The following ANKS3 variants were observed in gnomAD, a reference collection of about 807,000 sequenced individuals.
ANKS3 encodes the protein ankyrin repeat and sterile alpha motif domain containing 3.
Under a neutral mutation model 80.7 loss-of-function variants are expected in ANKS3, and 62 were observed. The observed-to-expected ratio is 0.77, with a 90% CI of 0.63 to 0.95. ANKS3 has a LOEUF of 0.95. Among genes scored for constraint, ANKS3 ranks in the 40% least tolerant of loss-of-function variants. The probability of loss-of-function intolerance (pLI) is 0.00; values close to 1 mark genes in which losing one functional copy is unlikely to be tolerated. For synonymous variants in ANKS3, 489 were observed against 355.3 expected (o/e 1.38, Z -4.23); for missense variants, 1,150 against 883.6 (o/e 1.30, Z -3.82).
chr16:4,726,217 C>G (rs1253553388), intron 5 of ANKS3, among the ~76,000 whole-genome samples: 1 of 152,078 alleles, frequency 6.6e-6, no homozygotes, highest in Admixed American at 6.6e-5. Context: ...ACCTCGTGAT[C>G]TGCCTACCTC....
chr16:4,720,537 A>G (rs937130425), intron 6 of ANKS3, among the ~76,000 whole-genome samples: 3 of 151,248 alleles, frequency 2.0e-5, no homozygotes, highest in South Asian at 2.1e-4. Context: ...GCAAGTTTAC[A>G]CTACCCACTA....
chr16:4,733,343 G>A (rs2081761515), intron 1 of ANKS3, among the ~76,000 whole-genome samples: 1 of 151,664 alleles, frequency 6.6e-6, no homozygotes, highest in Non-Finnish European at 1.5e-5. Flanking sequence ...CCAGGCTAGA[G>A]TGCAGCGGCG....
chr16:4,733,159 A>T (rs892567709), intron 1 of ANKS3, among the ~76,000 whole-genome samples: 1 of 133,492 alleles, frequency 7.5e-6, no homozygotes, highest in African/African-American at 2.8e-5. Flanking sequence ...TATTTGATCA[A>T]GCCACTGCAC....
intron 6 of ANKS3, among the ~76,000 whole-genome samples, chr16:4,717,752 G>A (rs1293104398): frequency 1.3e-5 from 2 of 151,804 alleles, no homozygotes; most frequent in African/African-American, 2.4e-5. Flanking sequence ...CAGCTCAAGT[G>A]ATCCTCCCTT....
In ANKS3 at chr16:4,696,794, G is replaced by C; in HGVS notation, c.*114C>G. 1 of 586,782 alleles carries C rather than the reference G, an allele frequency of 1.7e-6. No individual in the cohort carries two copies. Among genetic ancestry groups the C allele is most frequent in the South Asian group, 2.0e-5 (1 of 49,964 alleles). 36.3% of individuals were successfully genotyped at this position (586,782 alleles called of 1,614,324 possible). Reference sequence around the variant, plus strand: ...GGCTGCTCCCGGGGCCTGATCCTCTGGCCCCCACTGGGCCTGGGCTGCACA... The same window carrying C: ...GGCTGCTCCCGGGGCCTGATCCTCTCGCCCCCACTGGGCCTGGGCTGCACA... On this transcript the variant is annotated 3_prime_UTR_variant, in exon 18 of 18. Transcript: ENST00000304283.
At chr16:4,724,471 G>A (rs936749049) in intron 6 of ANKS3, among the ~76,000 whole-genome samples, 2 of 152,078 alleles carry the variant, frequency 1.3e-5, no homozygotes, top group African/African-American at 4.8e-5. Context: ...CTAAGTGACA[G>A]GATTATGAGT....
At chr16:4,730,904 A>G (rs1463200695) in intron 2 of ANKS3, among the ~76,000 whole-genome samples, 1 of 152,116 alleles carries the variant, frequency 6.6e-6, no homozygotes, top group Non-Finnish European at 1.5e-5. Context: ...GCTACTTAGC[A>G]ACTCCAATCC....
At position 4,720,925 on chromosome 16, in the gene ANKS3, A is replaced by G. The variant is rs145667283; in HGVS notation, c.573+3825T>C. Among the ~76,000 whole-genome samples, 561 of 150,076 alleles carry G rather than the reference A, an allele frequency of 3.7e-3. 9 individuals carry two copies. Among genetic ancestry groups the G allele is most frequent in the African/African-American group, 0.013 (535 of 41,130 alleles). Reference sequence around the variant, plus strand: ...GCACTCCAGCCAGGGCTACAGAGCGAGACTCCATCTCAAAACAAACAAACA... The same window carrying G: ...GCACTCCAGCCAGGGCTACAGAGCGGGACTCCATCTCAAAACAAACAAACA... On this transcript the variant is annotated intron_variant, in intron 6 of 17. Coordinates refer to ENST00000304283, the MANE Select transcript of ANKS3 (RefSeq NM_133450.4).
chr16:4,722,844 G>A (rs994744993), intron 6 of ANKS3, among the ~76,000 whole-genome samples: 3 of 151,512 alleles, frequency 2.0e-5, no homozygotes, highest in African/African-American at 7.3e-5. Context: ...CTTGAACTTG[G>A]GAGGTAGAGG....
chr16:4,700,818 T>A (rs781383315), intron 11 of ANKS3, 152 bp downstream of exon 11: 4 of 1,022,428 alleles, frequency 3.9e-6, no homozygotes, highest in Non-Finnish European at 6.1e-6. Context: ...TGGAGCCGGC[T>A]GTGAGCCTGT....
chr16:4,701,237 C>G, intron 10 of ANKS3, 103 bp from the exon 11 acceptor site: 1 of 1,535,722 alleles, frequency 6.5e-7, no homozygotes, highest in Non-Finnish European at 8.9e-7. Flanking sequence ...TCGTGAAACC[C>G]CCCACCCGCC....
intron 6 of ANKS3, among the ~76,000 whole-genome samples, chr16:4,716,921 AT>A (rs1459739878): frequency 2.0e-5 from 3 of 151,914 alleles, no homozygotes; most frequent in Admixed American, 6.6e-5. Context: ...TCTCAAAAAA[AT>A]AATAATAAAT....
rs1206241483 is a variant in ANKS3 at position 4,696,708 on chromosome 16, C to T, written c.*200G>A. 1 of 447,300 alleles carries T rather than the reference C, an allele frequency of 2.2e-6. No individual in the cohort carries two copies. The highest frequency in any genetic ancestry group is 4.1e-6 in the Non-Finnish European group (1 of 241,770). The allele number at this position is 447,300 out of a possible 1,614,324, so 27.7% of individuals were successfully genotyped here. A position where few individuals can be genotyped will look rare whatever the true frequency, so the allele number is the denominator to read the frequency against. ...GGTTCTGGGTGAGGCCCTCGTCCCGCCTCAGTGCTGGCCCGAGCTGCCGAG... is the reference window on the plus strand; with the variant it reads ...GGTTCTGGGTGAGGCCCTCGTCCCGTCTCAGTGCTGGCCCGAGCTGCCGAG... On this transcript the variant is annotated 3_prime_UTR_variant, in exon 18 of 18. Coordinates refer to ENST00000304283, the MANE Select transcript of ANKS3 (RefSeq NM_133450.4).
intron 8 of ANKS3, among the ~76,000 whole-genome samples, chr16:4,704,472 A>G (rs2080081588): frequency 6.6e-6 from 1 of 152,168 alleles, no homozygotes; most frequent in Non-Finnish European, 1.5e-5. Context: ...AGCAATAGAG[A>G]GTAGGCACCA....
At chr16:4,726,816 TCTC>T (rs763378523) in intron 4 of ANKS3, 36 bp from the exon 5 acceptor site, 19 of 1,606,180 alleles carry the variant, frequency 1.2e-5, no homozygotes, top group Non-Finnish European at 1.6e-5. Flanking sequence ...TACGGCCTCA[TCTC>T]CTCTGCGTGG....
At chr16:4,700,925 A>T (rs757811663) in intron 11 of ANKS3, 45 bp downstream of exon 11, 1 of 1,611,168 alleles carries the variant, frequency 6.2e-7, no homozygotes, top group Non-Finnish European at 8.5e-7. Flanking sequence ...AGTCACAAAA[A>T]GTGCCGTCTC....
intron 9 of ANKS3, 164 bp from the exon 10 acceptor site, chr16:4,701,707 C>T: frequency 1.7e-6 from 1 of 581,724 alleles, no homozygotes; most frequent in Non-Finnish European, 3.0e-6. Context: ...CCCCTCTATA[C>T]AGACGGGCAG....
At chr16:4,711,322 C>T (rs1168048774) in intron 7 of ANKS3, among the ~76,000 whole-genome samples, 6 of 150,494 alleles carry the variant, frequency 4.0e-5, no homozygotes, top group Admixed American at 4.0e-4. Flanking sequence ...AGGCTGGTCT[C>T]GAACTCCCGA....
chr16:4,702,470 C>T (rs545911019), intron 8 of ANKS3, among the ~76,000 whole-genome samples: 1 of 152,218 alleles, frequency 6.6e-6, no homozygotes, highest in Non-Finnish European at 1.5e-5. Context: ...CCAGGTCAAG[C>T]CTGGGCCCTC....
Sources: allele counts gnomAD v4.1 joint callset (sites outside exome capture counted in the v4.1 genomes callset), GRCh38; gene constraint gnomAD v4.1.1; transcripts MANE v1.5; gene names NCBI Gene and HGNC (gene_info 2026-07-23, HGNC 2026-07-21).